The following VPS54 variants were observed in gnomAD, a reference collection of about 807,000 sequenced individuals.
The protein encoded by VPS54 is vacuolar protein sorting-associated protein 54.
A neutral mutation model predicts 121.5 loss-of-function variants in VPS54; 45 were observed. The observed-to-expected ratio is 0.37, with a 90% CI of 0.29 to 0.47. VPS54 has a LOEUF of 0.47. Ranked by LOEUF, VPS54 falls within the 20% of genes least tolerant of loss-of-function variation. The probability of loss-of-function intolerance (pLI) is 0.99; values close to 1 mark genes in which losing one functional copy is unlikely to be tolerated. For missense variants in VPS54, 1,090 were observed against 1,131.4 expected (o/e 0.96, Z 0.52); for synonymous variants, 371 against 385.8 (o/e 0.96, Z 0.45).
At chr2:63,929,215 C>A (rs1674067129) in intron 12 of VPS54, among the ~76,000 whole-genome samples, 1 of 152,180 alleles carries the variant, frequency 6.6e-6, no homozygotes, top group African/African-American at 2.4e-5. Context: ...AATATACATT[C>A]TTCTCAGCAC....
At chr2:63,904,762 C>T (rs959520361) in intron 20 of VPS54, among the ~76,000 whole-genome samples, 3 of 152,188 alleles carry the variant, frequency 2.0e-5, no homozygotes, top group African/African-American at 4.8e-5. Context: ...TTTTCATGTG[C>T]ATGTGGAACA....
At chr2:63,952,896 C>A (rs1450920470) in intron 7 of VPS54, among the ~76,000 whole-genome samples, 2 of 152,072 alleles carry the variant, frequency 1.3e-5, no homozygotes, top group African/African-American at 4.8e-5. Flanking sequence ...AAAGAACATA[C>A]ATTAACTGCC....
chr2:64,002,770 C>T (rs1276867949), intron 1 of VPS54, among the ~76,000 whole-genome samples: 1 of 152,166 alleles, frequency 6.6e-6, no homozygotes, highest in Non-Finnish European at 1.5e-5. Flanking sequence ...CTATACCACT[C>T]TTAATTCTTA....
At chr2:63,984,262 A>C (rs559778192) in intron 1 of VPS54, among the ~76,000 whole-genome samples, 1 of 152,362 alleles carries the variant, frequency 6.6e-6, no homozygotes, top group East Asian at 1.9e-4. Flanking sequence ...AAAAAATACC[A>C]AGGTTGTACC....
chr2:63,896,778 C>T (rs905272860), intron 22 of VPS54, among the ~76,000 whole-genome samples: 17 of 152,186 alleles, frequency 1.1e-4, no homozygotes, highest in African/African-American at 2.4e-4. Flanking sequence ...GATATTAATA[C>T]GTAACTAAAT....
intron 3 of VPS54, among the ~76,000 whole-genome samples, chr2:63,973,312 T>A (rs768831503): frequency 1.3e-5 from 2 of 152,246 alleles, no homozygotes; most frequent in Admixed American, 1.3e-4. Context: ...TTATTTGCCA[T>A]CTGCATTATC....
intron 21 of VPS54, among the ~76,000 whole-genome samples, chr2:63,899,223 C>A (rs575331086): frequency 1.8e-4 from 27 of 152,266 alleles, no homozygotes; most frequent in Middle Eastern, 6.8e-3. Flanking sequence ...TGATCATGGA[C>A]AAATGGAAAA....
chr2:63,913,971 AT>A (rs1409696864), intron 17 of VPS54: 2 of 1,302,254 alleles, frequency 1.5e-6, no homozygotes, highest in Non-Finnish European at 2.0e-6. Context: ...TAACAACTCT[AT>A]GGGTGAATGA....
chr2:63,951,206 C>CTTT (rs71245641), intron 7 of VPS54, among the ~76,000 whole-genome samples: 5,555 of 134,310 alleles, frequency 0.041, 158 homozygotes, highest in African/African-American at 0.058. Context: ...ACAAATTTCC[C>CTTT]TTTTTTTTTT....
chr2:64,011,858 T>C (rs1423146775), intron 1 of VPS54, among the ~76,000 whole-genome samples: 2 of 152,208 alleles, frequency 1.3e-5, no homozygotes, highest in Non-Finnish European at 2.9e-5. Flanking sequence ...GTCTCAAATA[T>C]ATAAACTATT....
At chr2:63,983,251 C>G (rs1676880545) in intron 2 of VPS54, among the ~76,000 whole-genome samples, 1 of 151,458 alleles carries the variant, frequency 6.6e-6, no homozygotes, top group Non-Finnish European at 1.5e-5. Flanking sequence ...CCTGCCTCAG[C>G]CTCCCAAGCA....
chr2:63,934,046 G>A (rs371881388), intron 11 of VPS54, 33 bp from the exon 12 acceptor site: 27 of 1,551,654 alleles, frequency 1.7e-5, no homozygotes, highest in Middle Eastern at 2.0e-4. Context: ...TTTAAGGGAC[G>A]TAAAATGTCT....
At chr2:63,984,668 C>A (rs893538023) in intron 1 of VPS54, among the ~76,000 whole-genome samples, 5 of 152,158 alleles carry the variant, frequency 3.3e-5, no homozygotes, top group African/African-American at 1.2e-4. Flanking sequence ...AAGTGTCATT[C>A]TTCAAAGAGC....
At chr2:63,987,640 G>A (rs572265241) in intron 1 of VPS54, among the ~76,000 whole-genome samples, 22 of 151,714 alleles carry the variant, frequency 1.5e-4, no homozygotes, top group African/African-American at 5.3e-4. Context: ...TAACAATATT[G>A]ATTCTTCCAA....
chr2:63,892,952 AAT>A lies in VPS54; in HGVS notation c.*476_*477del, dbSNP rs1380812213. On this transcript the variant is annotated 3_prime_UTR_variant, in exon 23 of 23. Transcript: ENST00000272322. ...TTTATAGAAAGATCTGTAAAAAAAT[AAT>A]AATTTTTCAAACAGCTTTACTTTCA... The A allele has an allele frequency of 2.0e-5, 3 of 150,994 alleles. No homozygotes were observed. The highest frequency in any genetic ancestry group is 7.6e-5 in the African/African-American group (3 of 39,354). The allele number at this position is 150,994 out of a possible 1,614,324, so 9.4% of individuals were successfully genotyped here.
chr2:64,012,017 C>G (rs533471492), intron 1 of VPS54, among the ~76,000 whole-genome samples: 4 of 152,204 alleles, frequency 2.6e-5, no homozygotes, highest in African/African-American at 9.6e-5. Context: ...AAAGTAAATA[C>G]AGGGTTTATG....
At chr2:63,893,700 G>C (rs1321332150) in intron 22 of VPS54, among the ~76,000 whole-genome samples, 165 bp from the exon 23 acceptor site, 1 of 152,150 alleles carries the variant, frequency 6.6e-6, no homozygotes, top group Non-Finnish European at 1.5e-5. Context: ...TGAATAAGTA[G>C]GCCATTTAAT....
At chr2:63,963,135 G>C (rs761251493) in intron 6 of VPS54, among the ~76,000 whole-genome samples, 2 of 151,762 alleles carry the variant, frequency 1.3e-5, no homozygotes, top group Non-Finnish European at 2.9e-5. Flanking sequence ...AAATTCATTT[G>C]GATTTTTTTC....
chr2:63,996,214 CA>C, intron 1 of VPS54, among the ~76,000 whole-genome samples: 1 of 152,302 alleles, frequency 6.6e-6, no homozygotes. Context: ...ATTTCATGGA[CA>C]ATTTGTTAGT....
Sources: allele counts gnomAD v4.1 joint callset (sites outside exome capture counted in the v4.1 genomes callset), GRCh38; gene constraint gnomAD v4.1.1; transcripts MANE v1.5; gene names NCBI Gene and HGNC (gene_info 2026-07-23, HGNC 2026-07-21).